The following CFAP54 variants were observed in gnomAD, a reference collection of about 807,000 sequenced individuals.
The protein encoded by CFAP54 is cilia- and flagella-associated protein 54.
Under a neutral mutation model 370.4 loss-of-function variants are expected in CFAP54, and 290 were observed. The ratio of observed to expected loss-of-function variants is 0.78; its 90% CI spans 0.71 to 0.86. CFAP54 has a LOEUF of 0.86. Ranked by LOEUF, CFAP54 falls within the 40% of genes least tolerant of loss-of-function variation. The probability of loss-of-function intolerance (pLI) is 0.00; values close to 1 mark genes in which losing one functional copy is unlikely to be tolerated. For synonymous variants in CFAP54, 1,206 were observed against 1,236.5 expected, an observed-to-expected ratio of 0.98 and a Z score of 0.52; for missense variants, 3,399 against 3,528.7, an observed-to-expected ratio of 0.96 and a Z score of 0.93.
intron 48 of CFAP54, among the ~76,000 whole-genome samples, chr12:96,714,460 T>C (rs1344643231): frequency 1.3e-5 from 2 of 151,954 alleles, no homozygotes; most frequent in African/African-American, 4.8e-5. Flanking sequence ...TGGCAATGAG[T>C]TCAGATGGAG....
intron 63 of CFAP54, among the ~76,000 whole-genome samples, chr12:96,810,620 G>C (rs1455844051): frequency 6.6e-6 from 1 of 152,154 alleles, no homozygotes; most frequent in African/African-American, 2.4e-5. Context: ...GGACCCAAAG[G>C]GTAGACCATA....
intron 63 of CFAP54, among the ~76,000 whole-genome samples, chr12:96,798,264 G>A (rs1286059747): frequency 6.6e-6 from 1 of 152,014 alleles, no homozygotes; most frequent in African/African-American, 2.4e-5. Context: ...TTCTGTTGAA[G>A]TACATGCTTT....
chr12:96,751,652 A>C (rs1030767363), intron 55 of CFAP54, among the ~76,000 whole-genome samples: 1 of 152,178 alleles, frequency 6.6e-6, no homozygotes, highest in East Asian at 1.9e-4. Context: ...ACAAATTAGC[A>C]TATCTTTTAT....
At chr12:96,857,099 T>C (rs1408932657) in intron 66 of CFAP54, among the ~76,000 whole-genome samples, 2 of 152,162 alleles carry the variant, frequency 1.3e-5, no homozygotes, top group Non-Finnish European at 2.9e-5. Context: ...TCAGATCTCA[T>C]GAGAACTCAC....
At chr12:96,815,708 G>T (rs1375744977) in intron 64 of CFAP54, among the ~76,000 whole-genome samples, 1 of 152,180 alleles carries the variant, frequency 6.6e-6, no homozygotes, top group Non-Finnish European at 1.5e-5. Flanking sequence ...TTACATTTAA[G>T]TCTTTAATCC....
chr12:96,554,866 C>A, intron 17 of CFAP54, 64 bp downstream of exon 17: 1 of 1,337,352 alleles, frequency 7.5e-7, no homozygotes, highest in South Asian at 2.1e-5. Flanking sequence ...AGTACAGAAT[C>A]AATTTAATTT....
At chr12:96,574,961 T>C (rs1955960827) in intron 19 of CFAP54, among the ~76,000 whole-genome samples, 1 of 152,140 alleles carries the variant, frequency 6.6e-6, no homozygotes, top group Non-Finnish European at 1.5e-5. Context: ...TTCTTTGAGA[T>C]TTAAAATATT....
intron 9 of CFAP54, among the ~76,000 whole-genome samples, chr12:96,530,350 C>T (rs576568334): frequency 1.3e-4 from 20 of 152,266 alleles, no homozygotes; most frequent in African/African-American, 4.6e-4. Context: ...ATTAGCCAGG[C>T]GTCATGGCAT....
intron 38 of CFAP54, among the ~76,000 whole-genome samples, chr12:96,662,949 C>G (rs1957011355): frequency 6.6e-6 from 1 of 151,948 alleles, no homozygotes; most frequent in Non-Finnish European, 1.5e-5. Flanking sequence ...TATAATGTAC[C>G]ATACTATTTG....
intron 26 of CFAP54, among the ~76,000 whole-genome samples, chr12:96,612,455 C>T (rs1269313635): frequency 6.6e-6 from 1 of 152,054 alleles, no homozygotes. Flanking sequence ...TAAAGACCAT[C>T]GATGCTAGGA....
At position 96,688,911 on chromosome 12, in the gene CFAP54, C is replaced by G. The variant is rs1957357619; in HGVS notation, c.6015-5C>G. The G allele has an allele frequency of 6.5e-7, 1 of 1,541,202 alleles. No individual in the cohort carries two copies. The highest frequency in any genetic ancestry group is 2.2e-5 in the Admixed American group (1 of 46,372). On this transcript the variant is annotated splice_polypyrimidine_tract_variant and splice_region_variant and intron_variant, in intron 42 of 67. Coordinates refer to ENST00000524981, the MANE Select transcript of CFAP54 (RefSeq NM_001306084.2). ...AATCAATTTTTTTTTCTTATACTTA[C>G]TTAGATTTATTAAGTCATTGAATGT... is the stretch of plus-strand genomic sequence containing the variant.
intron 50 of CFAP54, among the ~76,000 whole-genome samples, chr12:96,729,179 C>T (rs897515140): frequency 3.3e-5 from 5 of 152,182 alleles, no homozygotes; most frequent in South Asian, 2.1e-4. Flanking sequence ...TCTCCAGCTG[C>T]GTGCTGGGAG....
chr12:96,837,601 T>G (rs563675460), intron 66 of CFAP54, among the ~76,000 whole-genome samples: 34 of 152,340 alleles, frequency 2.2e-4, no homozygotes, highest in African/African-American at 8.2e-4. Context: ...CTTTGCCCAG[T>G]GTTTAGTCCC....
At chr12:96,857,559 T>G (rs1426730472) in intron 66 of CFAP54, among the ~76,000 whole-genome samples, 1 of 152,172 alleles carries the variant, frequency 6.6e-6, no homozygotes, top group African/African-American at 2.4e-5. Context: ...TTTAGGTTGA[T>G]TCCATGTTGA....
chr12:96,806,494 T>C (rs1470500098), intron 63 of CFAP54, among the ~76,000 whole-genome samples: 1 of 151,932 alleles, frequency 6.6e-6, no homozygotes, highest in Non-Finnish European at 1.5e-5. Flanking sequence ...TACTCTTTTC[T>C]GGAAGACTTT....
At chr12:96,778,021 A>G (rs976927301) in intron 60 of CFAP54, among the ~76,000 whole-genome samples, 5 of 152,262 alleles carry the variant, frequency 3.3e-5, no homozygotes, top group South Asian at 2.1e-4. Context: ...TTTAAAAATA[A>G]AAACAAAAGG....
intron 42 of CFAP54, among the ~76,000 whole-genome samples, chr12:96,686,404 G>A (rs1050143340): frequency 2.6e-5 from 4 of 152,184 alleles, no homozygotes; most frequent in African/African-American, 9.6e-5. Context: ...TTGCTACAAA[G>A]AAATACCCAA....
chr12:96,750,242 CTGTCT>C (rs1442545360), intron 55 of CFAP54, among the ~76,000 whole-genome samples: 1 of 152,168 alleles, frequency 6.6e-6, no homozygotes, highest in Non-Finnish European at 1.5e-5. Context: ...TGTACCAGCT[CTGTCT>C]GTTCTTACCC....
At chr12:96,826,018 T>C (rs890451099) in intron 65 of CFAP54, among the ~76,000 whole-genome samples, 1 of 144,002 alleles carries the variant, frequency 6.9e-6, no homozygotes, top group South Asian at 2.1e-4. Context: ...AATATAGAAA[T>C]TAATAATAGA....
Sources: gnomAD v4.1 joint callset for allele counts (sites outside exome capture counted in the v4.1 genomes callset) on GRCh38, gnomAD v4.1.1 for gene constraint, MANE v1.5 for transcripts, NCBI Gene and HGNC (gene_info 2026-07-23, HGNC 2026-07-21) for gene names.